Variants in OPN5 observed in about 807,000 individuals in gnomAD.
OPN5 encodes opsin 5.
A neutral mutation model predicts 41.7 loss-of-function variants in OPN5; 18 were observed. The ratio of observed to expected loss-of-function variants is 0.43; its 90% CI spans 0.30 to 0.64. OPN5 has a LOEUF of 0.64. OPN5 is among the 30% of genes least tolerant of loss of function. OPN5 has a pLI of 0.13. For missense variants in OPN5, 318 were observed against 434.5 expected (o/e 0.73, Z 2.38); for synonymous variants, 178 against 164.3 (o/e 1.08, Z -0.64).
chr6:47,804,856 G>T (rs532262576), intron 4 of OPN5, among the ~76,000 whole-genome samples: 1 of 152,282 alleles, frequency 6.6e-6, no homozygotes, highest in Admixed American at 6.5e-5. Flanking sequence ...ATAACATAAT[G>T]CTAATGTTTT....
chr6:47,783,469 G>T (rs1773128353), intron 1 of OPN5, among the ~76,000 whole-genome samples: 1 of 151,896 alleles, frequency 6.6e-6, no homozygotes, highest in Admixed American at 6.6e-5. Flanking sequence ...CCTGAAAGTA[G>T]CAAAACTCAT....
rs530865991 is a variant in OPN5 at position 47,783,343 on chromosome 6, C to G, written c.130+1147C>G. Among the ~76,000 whole-genome samples, 17 of 152,114 alleles carry G rather than the reference C, an allele frequency of 1.1e-4. No individual in the cohort carries two copies. In the South Asian group the frequency reaches 3.3e-3, roughly 30 times the overall value. ...TCAGATGTTGGGTCAAACTTGCTCT[C>G]TCTCTCTTTTCTCTTTGTTTCTATC... On this transcript the variant is annotated intron_variant, in intron 1 of 6. Coordinates refer to ENST00000371211, the Ensembl canonical transcript of OPN5.
intron 2 of OPN5, chr6:47,787,216 G>A (rs1368655597): frequency 2.4e-5 from 23 of 961,426 alleles, no homozygotes; most frequent in African/African-American, 7.1e-5. Context: ...ATCATCTGGG[G>A]AAGTTCTGAA....
chr6:47,818,659 A>T (rs1312738620), intron 6 of OPN5, among the ~76,000 whole-genome samples: 1 of 152,178 alleles, frequency 6.6e-6, no homozygotes, highest in Admixed American at 6.5e-5. Context: ...TCTTCAAAGC[A>T]TGGGAAGGTG....
chr6:47,798,584 AATATTATATTAATATGTCT>A (rs1257648407), intron 4 of OPN5, among the ~76,000 whole-genome samples: 1 of 150,794 alleles, frequency 6.6e-6, no homozygotes, highest in African/African-American at 2.4e-5. Context: ...CATAATATGT[AATATTATATTAATATGTCT>A]ATATTTCATT....
At chr6:47,790,418 T>A (rs1773333998) in intron 2 of OPN5, among the ~76,000 whole-genome samples, 1 of 151,936 alleles carries the variant, frequency 6.6e-6, no homozygotes, top group South Asian at 2.1e-4. Flanking sequence ...TCTCTCTCTG[T>A]GTCTCTCTCT....
At chr6:47,788,335 T>C (rs1773258314) in intron 2 of OPN5, among the ~76,000 whole-genome samples, 1 of 152,228 alleles carries the variant, frequency 6.6e-6, no homozygotes, top group Non-Finnish European at 1.5e-5. Flanking sequence ...AAACATGTCA[T>C]TCCAGCTACA....
chr6:47,807,691 A>T (rs1410181588), intron 4 of OPN5, among the ~76,000 whole-genome samples: 1 of 152,178 alleles, frequency 6.6e-6, no homozygotes, highest in Non-Finnish European at 1.5e-5. Context: ...AACATTTAAT[A>T]GAAATTTCTG....
At chr6:47,783,783 T>G (rs1234015221) in intron 1 of OPN5, among the ~76,000 whole-genome samples, 1 of 152,196 alleles carries the variant, frequency 6.6e-6, no homozygotes, top group East Asian at 1.9e-4. Flanking sequence ...GCATTTTTAT[T>G]AAACTTAAGT....
At chr6:47,811,066 T>C (rs1774179213) in intron 5 of OPN5, among the ~76,000 whole-genome samples, 1 of 152,170 alleles carries the variant, frequency 6.6e-6, no homozygotes. Flanking sequence ...CATGGAGTCA[T>C]AGGCCTTTGC....
intron 3 of OPN5, among the ~76,000 whole-genome samples, chr6:47,793,098 C>G (rs1773437732): frequency 6.6e-6 from 1 of 151,014 alleles, no homozygotes; most frequent in Admixed American, 6.6e-5. Flanking sequence ...TATACATATT[C>G]TGTGTGACGT....
At chr6:47,824,315 G>A (rs1407041573) in exon 7 of OPN5, 4 of 374,070 alleles carry the variant, frequency 1.1e-5, no homozygotes, top group Non-Finnish European at 2.0e-5. Context: ...GCTTGTGAAA[G>A]CTGGCCTGAA....
chr6:47,824,027 C>T, exon 7 of OPN5: 1 of 1,527,620 alleles, frequency 6.5e-7, no homozygotes, highest in Non-Finnish European at 8.9e-7. Flanking sequence ...ATCTGAAGTG[C>T]TTACACGGCG....
intron 3 of OPN5, among the ~76,000 whole-genome samples, chr6:47,792,866 T>A (rs898801172): frequency 6.6e-6 from 1 of 151,974 alleles, no homozygotes; most frequent in Admixed American, 6.6e-5. Context: ...ACTGTCAATG[T>A]GGTAGAATTT....
chr6:47,825,260 C>T (rs1762758688), downstream of OPN5: 2 of 151,998 alleles, frequency 1.3e-5, no homozygotes, highest in South Asian at 2.1e-4. Context: ...ATGAAAGACA[C>T]GATGCAAATA....
At chr6:47,810,958 C>T (rs1028147724) in intron 5 of OPN5, among the ~76,000 whole-genome samples, 4 of 152,104 alleles carry the variant, frequency 2.6e-5, no homozygotes, top group African/African-American at 7.2e-5. Flanking sequence ...CTTGAGCTTC[C>T]GTTGTTTAAT....
At chr6:47,784,149 G>A (rs901474368) in intron 1 of OPN5, among the ~76,000 whole-genome samples, 1 of 152,164 alleles carries the variant, frequency 6.6e-6, no homozygotes, top group Non-Finnish European at 1.5e-5. Context: ...GCACTAGGAG[G>A]TGGAGCCAAT....
chr6:47,820,567 G>A (rs555829238), intron 6 of OPN5, among the ~76,000 whole-genome samples: 2 of 152,068 alleles, frequency 1.3e-5, no homozygotes, highest in South Asian at 2.1e-4. Flanking sequence ...TAAGGGAGTC[G>A]GGAGGTCCTA....
intron 6 of OPN5, among the ~76,000 whole-genome samples, chr6:47,822,319 G>A (rs183649211): frequency 6.6e-6 from 1 of 152,248 alleles, no homozygotes; most frequent in East Asian, 1.9e-4. Context: ...ACATGGACAA[G>A]AGTTTGTTAT....
Sources: gnomAD v4.1 joint callset for allele counts (sites outside exome capture counted in the v4.1 genomes callset) on GRCh38, gnomAD v4.1.1 for gene constraint, MANE v1.5 for transcripts, NCBI Gene and HGNC (gene_info 2026-07-23, HGNC 2026-07-21) for gene names.